Variants in FBXL4 observed in about 807,000 individuals in gnomAD.
The protein encoded by FBXL4 is F-box/LRR-repeat protein 4.
FBXL4 carries 40 observed loss-of-function variants against 58.9 expected under a neutral mutation model. That is an observed-to-expected ratio of 0.68 (90% CI 0.53 to 0.88). The LOEUF is 0.88. FBXL4 is among the 40% of genes least tolerant of loss of function. The pLI, the probability that FBXL4 is intolerant of heterozygous loss-of-function variation, is 0.00. For synonymous variants in FBXL4, 263 were observed against 265.5 expected, an observed-to-expected ratio of 0.99 and a Z score of 0.09; for missense variants, 676 against 734.4, an observed-to-expected ratio of 0.92 and a Z score of 0.92.
intron 1 of FBXL4, among the ~76,000 whole-genome samples, chr6:98,936,716 T>TTATC (rs1402167391): frequency 6.6e-6 from 1 of 152,216 alleles, no homozygotes; most frequent in Non-Finnish European, 1.5e-5. Context: ...ACTGTATATG[T>TTATC]TATCAGTAAG....
chr6:98,915,751 T>C (rs578218170), intron 5 of FBXL4, among the ~76,000 whole-genome samples: 161 of 152,286 alleles, frequency 1.1e-3, no homozygotes, highest in Non-Finnish European at 1.8e-3. Flanking sequence ...ATTCAGGACA[T>C]AGACATGGGA....
chr6:98,877,334 T>A (rs983950582), intron 8 of FBXL4, among the ~76,000 whole-genome samples: 4 of 152,142 alleles, frequency 2.6e-5, no homozygotes, highest in Non-Finnish European at 5.9e-5. Context: ...AAAAAAAAAT[T>A]TAAAAACTTT....
chr6:98,900,017 C>T (rs575221285), intron 6 of FBXL4, among the ~76,000 whole-genome samples: 32 of 152,286 alleles, frequency 2.1e-4, no homozygotes, highest in African/African-American at 6.7e-4. Flanking sequence ...ATGGTACTTG[C>T]AGCTGTTACT....
chr6:98,881,534 C>CGATA (rs1346242998), intron 7 of FBXL4, among the ~76,000 whole-genome samples: 4 of 151,928 alleles, frequency 2.6e-5, no homozygotes, highest in Admixed American at 2.0e-4. Context: ...AAACTAAAAA[C>CGATA]TATCAGTTGA....
At chr6:98,882,374 C>T (rs1031230952) in intron 7 of FBXL4, among the ~76,000 whole-genome samples, 1 of 151,748 alleles carries the variant, frequency 6.6e-6, no homozygotes, top group Non-Finnish European at 1.5e-5. Context: ...ATTATGTATC[C>T]ATAAGTAGCA....
chr6:98,922,206 G>A (rs1217890209), intron 4 of FBXL4, among the ~76,000 whole-genome samples: 3 of 152,162 alleles, frequency 2.0e-5, no homozygotes, highest in Non-Finnish European at 2.9e-5. Flanking sequence ...GATTACAGGC[G>A]TGAGCCACCA....
Position 98,882,008 on chromosome 6 carries a change from G to A in FBXL4, c.1318-1384C>T, listed in dbSNP as rs1039318597. ...GATTTTCCCTTAAGTAAGATCCAGA[G>A]AATATTAGAATTTTTAGAAAGAATC... On this transcript the variant is annotated intron_variant, in intron 7 of 9. Coordinates refer to ENST00000369244, the MANE Select transcript of FBXL4 (RefSeq NM_001278716.2). 1.4e-4 allele frequency among the ~76,000 whole-genome samples: 21 copies of A among 151,682 alleles called. 1 individual carries two copies. Among genetic ancestry groups the A allele is most frequent in the Admixed American group, 1.1e-3 (17 of 15,236 alleles).
chr6:98,901,178 G>A (rs1353585189), intron 6 of FBXL4, among the ~76,000 whole-genome samples: 1 of 152,140 alleles, frequency 6.6e-6, no homozygotes, highest in Non-Finnish European at 1.5e-5. Context: ...TAAAAGCAGG[G>A]AAGGGCAATA....
At chr6:98,914,264 T>C (rs922080952) in intron 5 of FBXL4, among the ~76,000 whole-genome samples, 2 of 152,150 alleles carry the variant, frequency 1.3e-5, no homozygotes, top group Non-Finnish European at 2.9e-5. Flanking sequence ...CCATTCCTTC[T>C]GAAACTACTC....
intron 8 of FBXL4, among the ~76,000 whole-genome samples, chr6:98,875,991 C>G (rs1562214400): frequency 6.6e-6 from 1 of 152,296 alleles, no homozygotes; most frequent in East Asian, 1.9e-4. Flanking sequence ...CAGTCTATGT[C>G]TTCAGTCTCT....
At chr6:98,889,268 T>C (rs1321975322) in intron 7 of FBXL4, among the ~76,000 whole-genome samples, 1 of 152,180 alleles carries the variant, frequency 6.6e-6, no homozygotes, top group African/African-American at 2.4e-5. Context: ...ATAAACACCA[T>C]ACTCCAATGA....
At chr6:98,940,175 T>C (rs1773381389) in intron 1 of FBXL4, among the ~76,000 whole-genome samples, 1 of 152,218 alleles carries the variant, frequency 6.6e-6, no homozygotes, top group South Asian at 2.1e-4. Context: ...TATATTTTAT[T>C]TATTTGTGAA....
chr6:98,933,257 C>T (rs1261365334), intron 2 of FBXL4, among the ~76,000 whole-genome samples: 4 of 152,300 alleles, frequency 2.6e-5, no homozygotes, highest in African/African-American at 9.6e-5. Context: ...CCTCTGGTAA[C>T]TTCTCAGTCT....
At chr6:98,874,516 T>C (rs965812388) in intron 9 of FBXL4, 75 bp from the exon 10 acceptor site, 1 of 1,434,624 alleles carries the variant, frequency 7.0e-7, no homozygotes, top group Non-Finnish European at 9.4e-7. Flanking sequence ...TAACAATGAA[T>C]CCATCCATGA....
At chr6:98,895,994 G>C (rs1342345699) in intron 7 of FBXL4, among the ~76,000 whole-genome samples, 2 of 151,864 alleles carry the variant, frequency 1.3e-5, no homozygotes, top group African/African-American at 4.8e-5. Context: ...AGGAAAACAG[G>C]GTTAAAGTGG....
intron 1 of FBXL4, 28 bp from the exon 2 acceptor site, chr6:98,934,907 C>G (rs1466260021): frequency 6.6e-6 from 1 of 152,146 alleles, no homozygotes; most frequent in African/African-American, 2.4e-5. Context: ...ATCTCAAAAA[C>G]CAGAGGTAAA....
chr6:98,899,518 TAA>T lies in FBXL4; in HGVS notation c.1104-39_1104-38del, dbSNP rs1562227210. 12 of 1,582,368 alleles carry T rather than the reference TAA, an allele frequency of 7.6e-6. No homozygotes were observed. The African/African-American group carries it at 8.2e-5, about 11-fold the overall frequency. On this transcript the variant is annotated intron_variant, in intron 6 of 9. Coordinates refer to ENST00000369244, the MANE Select transcript of FBXL4 (RefSeq NM_001278716.2). ...ACATTCTATGTGAATTTTATAAAAC[TAA>T]AAGATATTTTTGCAAGAACTTTGGA...
chr6:98,875,614 A>G lies in FBXL4; in HGVS notation c.1503T>C (p.Ala501=), dbSNP rs1253776915. ...GCTCCTCCAGTAGTGGACACCCAGA[A>G]GCCAGTTCTGCTATTCCATTCTCAG... The part of the protein sequence containing the change: ...NITENGIAEL[A]SGCPLLEELD... Residue 501 remains alanine, a synonymous_variant, in exon 9 of 10, where the codon GCT becomes GCC. Transcript: ENST00000369244. 6.2e-7 allele frequency: 1 copy of G among 1,614,170 alleles called. No homozygotes were observed. Among genetic ancestry groups the G allele is most frequent in the Non-Finnish European group, 8.5e-7 (1 of 1,180,018 alleles).
At chr6:98,902,337 A>C (rs867052498) in intron 6 of FBXL4, among the ~76,000 whole-genome samples, 3 of 152,148 alleles carry the variant, frequency 2.0e-5, no homozygotes, top group African/African-American at 7.2e-5. Flanking sequence ...AAGCCATTAA[A>C]AACAAAACTT....
Sources: gnomAD v4.1 joint callset for allele counts (sites outside exome capture counted in the v4.1 genomes callset) on GRCh38, gnomAD v4.1.1 for gene constraint, MANE v1.5 for transcripts, NCBI Gene and HGNC (gene_info 2026-07-23, HGNC 2026-07-21) for gene names.